SHKBP1: variants seen among roughly 807,000 people sequenced by gnomAD.
SHKBP1 encodes SH3KBP1 binding protein 1, also known as SH3KBP1-binding protein 1.
Under a neutral mutation model 83.9 loss-of-function variants are expected in SHKBP1, and 71 were observed. The ratio of observed to expected loss-of-function variants is 0.85; its 90% CI spans 0.70 to 1.03. SHKBP1 has a LOEUF of 1.03. SHKBP1 is among the 50% of genes least tolerant of loss of function. SHKBP1 has a pLI of 0.00. For missense variants in SHKBP1, 824 were observed against 982.4 expected (o/e 0.84, Z 2.16); for synonymous variants, 371 against 398.0 (o/e 0.93, Z 0.81).
At position 40,578,205 on chromosome 19, in the gene SHKBP1, T is replaced by C. The variant is rs1203888609; in HGVS notation, c.312T>C (p.Thr104=). The C allele has an allele frequency of 6.2e-7, 1 of 1,613,968 alleles. No individual in the cohort carries two copies. Among genetic ancestry groups the C allele is most frequent in the Non-Finnish European group, 8.5e-7 (1 of 1,179,978 alleles). ...LLHEAQFYGL[T]PLVRRLQLRE... is the part of the protein sequence containing the mutation. ...ATGAAGCCCAGTTCTATGGGCTCAC[T>C]CCTCTGGGTAAGTGGGAGCCCCCAG... The change falls in exon 5 of 18, where the codon ACT becomes ACC. Residue 104 remains threonine (T), a synonymous_variant. Coordinates refer to ENST00000291842, the MANE Select transcript of SHKBP1 (RefSeq NM_138392.4).
chr19:40,577,098 C>CCCG, intron 1 of SHKBP1, 113 bp downstream of exon 1: 3 of 1,231,842 alleles, frequency 2.4e-6, no homozygotes, highest in Non-Finnish European at 3.4e-6. Context: ...CCCCCCCCCC[C>CCCG]TTTGGAGGCG....
chr19:40,584,298 G>T (rs1042214287), intron 12 of SHKBP1, among the ~76,000 whole-genome samples: 5 of 152,170 alleles, frequency 3.3e-5, no homozygotes, highest in African/African-American at 9.7e-5. Flanking sequence ...TGTGATTAAG[G>T]CATGATGTTC....
At position 40,586,882 on chromosome 19, in the gene SHKBP1, C is replaced by T; in HGVS notation, c.1274C>T (p.Thr425Ile). 6.2e-7 allele frequency: 1 copy of T among 1,613,030 alleles called. No homozygotes were observed. The highest frequency in any genetic ancestry group is 8.5e-7 in the Non-Finnish European group (1 of 1,179,384). ...GGCTCGGGGCCTCAGCTCTTCCAGA[C>T]CTTCACTGTGCACCGCAGCCCTGTC... is the stretch of plus-strand genomic sequence containing the variant. Reference protein sequence around the residue: ...TVGSGPQLFQTFTVHRSPVTK... With the variant: ...TVGSGPQLFQIFTVHRSPVTK... The change falls in exon 13 of 18, where the codon ACC becomes ATC. Residue 425 changes from threonine (T) to isoleucine (I), a missense_variant. Thr to Ile is a moderately conservative substitution (Grantham distance 89, BLOSUM62 -1). This residue lies in a region of SHKBP1 where 182 missense variants were observed against 273.1 expected (regional missense o/e 0.67). Coordinates refer to ENST00000291842, the MANE Select transcript of SHKBP1 (RefSeq NM_138392.4).
At chr19:40,585,054 A>C (rs1301063148) in intron 12 of SHKBP1, among the ~76,000 whole-genome samples, 1 of 152,058 alleles carries the variant, frequency 6.6e-6, no homozygotes, top group Non-Finnish European at 1.5e-5. Flanking sequence ...TTTACATGGA[A>C]GTCTGTTCTA....
At chr19:40,588,519 C>T in intron 13 of SHKBP1, 105 bp from the exon 14 acceptor site, 3 of 1,406,418 alleles carry the variant, frequency 2.1e-6, no homozygotes. Context: ...AAGAACTCAG[C>T]AAGGGCTGAC....
At chr19:40,580,163 G>C in intron 6 of SHKBP1, 161 bp from the exon 7 acceptor site, 1 of 779,840 alleles carries the variant, frequency 1.3e-6, no homozygotes, top group African/African-American at 1.7e-5. Context: ...TTGCTATGTG[G>C]TTCAGTGTCA....
At chr19:40,582,646 T>A in intron 10 of SHKBP1, 180 bp downstream of exon 10, 1 of 583,882 alleles carries the variant, frequency 1.7e-6, no homozygotes, top group Non-Finnish European at 3.0e-6. Context: ...CAGGGAAGCC[T>A]TCCTGGAGGA....
In SHKBP1 at chr19:40,580,634, A is replaced by G. The variant is rs1471748944; in HGVS notation, c.631A>G (p.Thr211Ala). Residue 211 changes from threonine to alanine, a missense_variant, in exon 8 of 18, where the codon ACC becomes GCC. Physicochemically the swap from Thr to Ala is moderately conservative, Grantham distance 58. This residue lies in a region of SHKBP1 where 355 missense variants were observed against 386.4 expected (regional missense o/e 0.92). Transcript: ENST00000291842. ...CCATAATTGGATCGCTGTGGCCTAT[A>G]CCCAGTTTCTAGTCTGCTACAGGTG... Reference protein sequence around the residue: ...GHHNWIAVAYTQFLVCYRLKE... With the variant: ...GHHNWIAVAYAQFLVCYRLKE... The G allele has an allele frequency of 6.2e-7, 1 of 1,613,914 alleles. No homozygotes were observed. The highest frequency in any genetic ancestry group is 8.5e-7 in the Non-Finnish European group (1 of 1,180,024).
At chr19:40,588,070 A>G (rs555540280) in intron 13 of SHKBP1, among the ~76,000 whole-genome samples, 1 of 152,290 alleles carries the variant, frequency 6.6e-6, no homozygotes, top group African/African-American at 2.4e-5. Flanking sequence ...AGCAGTGCAG[A>G]TTGGTAGGGA....
chr19:40,577,198 C>G, intron 1 of SHKBP1, 33 bp from the exon 2 acceptor site: 1 of 1,611,678 alleles, frequency 6.2e-7, no homozygotes. Flanking sequence ...CGCTCCTCTT[C>G]ATCTCTTGCG....
chr19:40,583,258 C>A, intron 10 of SHKBP1, 140 bp from the exon 11 acceptor site: 1 of 636,272 alleles, frequency 1.6e-6, no homozygotes, highest in Non-Finnish European at 2.7e-6. Flanking sequence ...GGGACAAAGG[C>A]AGGCCTGGGG....
chr19:40,582,240 C>T (rs961233318), intron 9 of SHKBP1, 111 bp from the exon 10 acceptor site: 3 of 849,102 alleles, frequency 3.5e-6, no homozygotes, highest in Non-Finnish European at 6.0e-6. Flanking sequence ...AATCTTCTAT[C>T]CTTCAAGGAT....
In SHKBP1 at chr19:40,577,436, G is replaced by A. The variant is rs1017938469; in HGVS notation, c.181G>A (p.Gly61Arg). The change falls in exon 3 of 18, where the codon GGA becomes AGA. Residue 61 changes from glycine (G) to arginine (R), a missense_variant. Physicochemically the swap from Gly to Arg is moderately radical, Grantham distance 125. Transcript: ENST00000291842. ...GRISTLKDET[G>R]AIFIDRDPTV... ...CATCTCGACGCTGAAAGATGAGACC[G>A]GAGCAGTGAGTCGGACAAGAACTGA... 5.6e-6 allele frequency: 9 copies of A among 1,613,910 alleles called. No individual in the cohort carries two copies. The highest frequency in any genetic ancestry group is 7.6e-6 in the Non-Finnish European group (9 of 1,180,006).
In SHKBP1 at chr19:40,590,974, A is replaced by G; in HGVS notation, c.1893-2A>G. ...GTGCACTTACTGTCCTTACTTCCTC[A>G]GCCTCCACTCAGCCTCCAGCAACAC... On this transcript the variant is annotated splice_acceptor_variant, in intron 17 of 17. Transcript: ENST00000291842. LOFTEE classifies it high-confidence loss of function. This position sits in a 1 kb window ranked among gnomAD's most constrained non-coding sequence, Gnocchi z 4.6. 3.8e-6 allele frequency: 6 copies of G among 1,599,950 alleles called. No homozygotes were observed. The highest frequency in any genetic ancestry group is 5.1e-6 in the Non-Finnish European group (6 of 1,169,058).
At chr19:40,579,899 G>C (rs1227814211) in intron 6 of SHKBP1, among the ~76,000 whole-genome samples, 2 of 151,984 alleles carry the variant, frequency 1.3e-5, no homozygotes, top group Admixed American at 6.6e-5. Flanking sequence ...CATGTGTCGT[G>C]GTGGGTGCTT....
chr19:40,584,479 G>A (rs117075711), intron 12 of SHKBP1, among the ~76,000 whole-genome samples: 1,906 of 152,228 alleles, frequency 0.013, 15 homozygotes, highest in Non-Finnish European at 0.019. Flanking sequence ...ACAATTCAGC[G>A]GATTTTAGTA....
intron 3 of SHKBP1, 41 bp downstream of exon 3, chr19:40,577,482 T>G: frequency 1.2e-6 from 2 of 1,612,906 alleles, no homozygotes; most frequent in Non-Finnish European, 1.7e-6. Flanking sequence ...GGGGGAGGGG[T>G]TGGTAGGAAG....
Position 40,591,340 on chromosome 19 carries a change from A to C in SHKBP1, c.*133A>C. 1.4e-6 allele frequency: 1 copy of C among 720,660 alleles called. No individual in the cohort carries two copies. Among genetic ancestry groups the C allele is most frequent in the Non-Finnish European group, 2.1e-6 (1 of 468,124 alleles). 44.6% of individuals were successfully genotyped at this position (720,660 alleles called of 1,614,324 possible). The stretch of plus-strand genomic sequence containing the variant: ...AAATGGTTATTGTTACTAGGTCCCC[A>C]CCTTCCCTCTTTTCTGGAAGCCAAA... On this transcript the variant is annotated 3_prime_UTR_variant, in exon 18 of 18. Coordinates refer to ENST00000291842, the MANE Select transcript of SHKBP1 (RefSeq NM_138392.4).
At position 40,580,894 on chromosome 19, in the gene SHKBP1, C is replaced by G; in HGVS notation, c.802C>G (p.Leu268Val). Residue 268 changes from leucine (L) to valine (V), a missense_variant, in exon 9 of 18, where the codon CTG (leucine) becomes GTG (valine). By Grantham distance (32) the Leu-to-Val change is conservative. This residue lies in a region of SHKBP1 where 355 missense variants were observed against 386.4 expected (regional missense o/e 0.92). Transcript: ENST00000291842. ...MVAAATGSEI[L>V]LWALQAEGGG... ...GGCAGCAGCCACCGGCAGCGAGATC[C>G]TGCTATGGGCTCTGCAGGCGGAAGG... 3 of 1,603,592 alleles carry G rather than the reference C, an allele frequency of 1.9e-6. No homozygotes were observed. The highest frequency in any genetic ancestry group is 2.6e-6 in the Non-Finnish European group (3 of 1,174,144).
Sources: allele counts gnomAD v4.1 joint callset (sites outside exome capture counted in the v4.1 genomes callset), GRCh38; gene constraint gnomAD v4.1.1; regional missense constraint gnomAD v4.1.1; non-coding constraint Gnocchi (gnomAD v3.1); transcripts MANE v1.5; gene names NCBI Gene and HGNC (gene_info 2026-07-23, HGNC 2026-07-21).